The following ARHGAP6 variants were observed in gnomAD, a reference collection of about 807,000 sequenced individuals.
ARHGAP6 encodes the protein Rho GTPase activating protein 6.
In ARHGAP6, 16 loss-of-function variants were observed where a neutral mutation model predicts 55.7. The observed-to-expected ratio is 0.29, with a 90% CI of 0.19 to 0.44. The LOEUF (loss-of-function observed/expected upper bound fraction) is 0.44. Among genes scored for constraint, ARHGAP6 ranks in the 20% least tolerant of loss-of-function variants. ARHGAP6 has a pLI of 1.00. For synonymous variants in ARHGAP6, 382 were observed against 360.9 expected, an observed-to-expected ratio of 1.06 and a Z score of -0.66; for missense variants, 698 against 808.9, an observed-to-expected ratio of 0.86 and a Z score of 1.66.
At chrX:11,552,826 GGA>G (rs1219763405) in intron 1 of ARHGAP6, among the ~76,000 whole-genome samples, 1 of 107,183 alleles carries the variant, frequency 9.3e-6, no homozygotes, top group Admixed American at 1.0e-4. Flanking sequence ...GGCTGGAGAT[GGA>G]GAGGGAGGAT....
At chrX:11,375,878 T>C (rs1273048775) in intron 1 of ARHGAP6, among the ~76,000 whole-genome samples, 1 of 111,186 alleles carries the variant, frequency 9.0e-6, no homozygotes, top group East Asian at 2.8e-4. Flanking sequence ...AGGAAGGTGA[T>C]AAGAAAATTA....
At chrX:11,523,513 A>T (rs1314117255) in intron 1 of ARHGAP6, among the ~76,000 whole-genome samples, 3 of 112,208 alleles carry the variant, frequency 2.7e-5, no homozygotes, top group African/African-American at 9.7e-5. Flanking sequence ...AATCTCCTTA[A>T]GCTGATAAGC....
chrX:11,453,475 G>C (rs1449278968), intron 1 of ARHGAP6, among the ~76,000 whole-genome samples: 1 of 108,802 alleles, frequency 9.2e-6, no homozygotes, highest in Non-Finnish European at 1.9e-5. Context: ...GCACTTGAAA[G>C]AGGTACAAAT....
At chrX:11,366,271 G>A (rs2049077265) in intron 1 of ARHGAP6, among the ~76,000 whole-genome samples, 1 of 112,196 alleles carries the variant, frequency 8.9e-6, no homozygotes, top group Admixed American at 9.5e-5. Context: ...TCATTAACTG[G>A]CAACTATGAC....
At chrX:11,559,790 T>C (rs1258830607) in intron 1 of ARHGAP6, among the ~76,000 whole-genome samples, 1 of 108,586 alleles carries the variant, frequency 9.2e-6, no homozygotes, top group Non-Finnish European at 1.9e-5. Context: ...TAGCCAGGCA[T>C]GGTGGTGGGT....
intron 1 of ARHGAP6, among the ~76,000 whole-genome samples, chrX:11,276,255 ATT>A (rs2047764161): frequency 9.0e-6 from 1 of 110,746 alleles, no homozygotes; most frequent in African/African-American, 3.3e-5. Flanking sequence ...CTTGACTCTT[ATT>A]TAAACATTGG....
chrX:11,358,799 G>T (rs1378406923), intron 1 of ARHGAP6, among the ~76,000 whole-genome samples: 1 of 111,355 alleles, frequency 9.0e-6, no homozygotes, highest in African/African-American at 3.3e-5. Context: ...TATCTTAATT[G>T]TTTTCCTCAG....
intron 10 of ARHGAP6, among the ~76,000 whole-genome samples, chrX:11,155,414 C>G: frequency 1.8e-5 from 2 of 111,395 alleles, no homozygotes; most frequent in South Asian, 7.7e-4. Context: ...ATTCTCCCAT[C>G]TCAGCCTCAC....
chrX:11,431,345 C>T (rs898458974), intron 1 of ARHGAP6, among the ~76,000 whole-genome samples: 7 of 112,672 alleles, frequency 6.2e-5, no homozygotes, highest in African/African-American at 2.3e-4. Flanking sequence ...GCTGCCCTTT[C>T]TGCCAGAGCA....
At chrX:11,424,810 G>T (rs1050136160) in intron 1 of ARHGAP6, among the ~76,000 whole-genome samples, 16 of 112,593 alleles carry the variant, frequency 1.4e-4, no homozygotes, top group African/African-American at 4.8e-4. Context: ...GAGAACATTA[G>T]CTGCTAACAC....
chrX:11,620,654 C>A (rs2052217296), intron 1 of ARHGAP6, among the ~76,000 whole-genome samples: 1 of 112,202 alleles, frequency 8.9e-6, no homozygotes, highest in East Asian at 2.8e-4. Context: ...TCAGACATTG[C>A]CAATTGACTC....
At chrX:11,636,080 T>G (rs143417714) in intron 1 of ARHGAP6, among the ~76,000 whole-genome samples, 1 of 111,809 alleles carries the variant, frequency 8.9e-6, no homozygotes, top group East Asian at 2.8e-4. Context: ...GGGTAGCACT[T>G]GACTACACAT....
At chrX:11,590,867 AAGGAAAG>A (rs780318167) in intron 1 of ARHGAP6, among the ~76,000 whole-genome samples, 6 of 54,961 alleles carry the variant, frequency 1.1e-4, no homozygotes, top group Non-Finnish European at 1.3e-4. Flanking sequence ...AAAAGAAAAG[AAGGAAAG>A]AAAGAAAGAA....
chrX:11,499,524 C>G (rs1391148577), intron 1 of ARHGAP6, among the ~76,000 whole-genome samples: 1 of 112,036 alleles, frequency 8.9e-6, no homozygotes, highest in Admixed American at 9.5e-5. Context: ...TTCTCCCTCT[C>G]CATTCCCCTC....
chrX:11,174,552 TCC>T (rs1198403629), intron 8 of ARHGAP6, among the ~76,000 whole-genome samples: 37 of 82,476 alleles, frequency 4.5e-4, no homozygotes, highest in African/African-American at 1.3e-3. Context: ...CTTCCTTCCT[TCC>T]TTCCTTCCTT....
chrX:11,652,473 G>T (rs760304033), intron 1 of ARHGAP6, among the ~76,000 whole-genome samples: 36 of 111,905 alleles, frequency 3.2e-4, no homozygotes, highest in African/African-American at 1.2e-3. Context: ...AAATACCTTT[G>T]GGGGCAAGAG....
intron 1 of ARHGAP6, among the ~76,000 whole-genome samples, chrX:11,528,545 C>T (rs932486911): frequency 8.9e-6 from 1 of 112,289 alleles, no homozygotes; most frequent in African/African-American, 3.2e-5. Context: ...GAAACTATAG[C>T]AAAGGTTGCT....
intron 1 of ARHGAP6, among the ~76,000 whole-genome samples, chrX:11,337,598 C>T (rs368771577): frequency 8.9e-6 from 1 of 112,668 alleles, no homozygotes; most frequent in East Asian, 2.8e-4. Context: ...CTCACAACTG[C>T]AAACTTTGTG....
chrX:11,573,440 G>A (rs1343228372), intron 1 of ARHGAP6, among the ~76,000 whole-genome samples: 1 of 110,310 alleles, frequency 9.1e-6, no homozygotes, highest in South Asian at 3.9e-4. Flanking sequence ...TATTAAATAG[G>A]GAATCCTTTC....
Sources: allele counts gnomAD v4.1 joint callset (sites outside exome capture counted in the v4.1 genomes callset), GRCh38; gene constraint gnomAD v4.1.1; transcripts MANE v1.5; gene names NCBI Gene and HGNC (gene_info 2026-07-23, HGNC 2026-07-21).